ERI3: variants seen among roughly 807,000 people sequenced by gnomAD.
ERI3 encodes the protein ERI1 exoribonuclease family member 3, also known as ERI1 exoribonuclease 3.
A neutral mutation model predicts 44.4 loss-of-function variants in ERI3; 18 were observed. The ratio of observed to expected loss-of-function variants is 0.41; its 90% confidence interval spans 0.28 to 0.60. The LOEUF (loss-of-function observed/expected upper bound fraction) is 0.60. Ranked by LOEUF, ERI3 falls within the 20% of genes least tolerant of loss-of-function variation. The pLI is 0.36. For missense variants in ERI3, 294 were observed against 435.5 expected, an observed-to-expected ratio of 0.68 and a Z score of 2.89; for synonymous variants, 183 against 164.8, an observed-to-expected ratio of 1.11 and a Z score of -0.84.
intron 7 of ERI3, among the ~76,000 whole-genome samples, chr1:44,283,437 TG>T (rs751354632): frequency 9.2e-5 from 14 of 152,230 alleles, no homozygotes; most frequent in Non-Finnish European, 2.1e-4. Context: ...GACTGACTGC[TG>T]GGCTTCTCAG....
chr1:44,316,561 T>G (rs1316399713), intron 4 of ERI3, among the ~76,000 whole-genome samples: 1 of 152,194 alleles, frequency 6.6e-6, no homozygotes, highest in Admixed American at 6.5e-5. Flanking sequence ...CAGTGCTTTC[T>G]CCTTTCACAG....
intron 3 of ERI3, chr1:44,323,029 C>A: frequency 9.9e-7 from 1 of 1,009,120 alleles, no homozygotes; most frequent in Non-Finnish European, 1.3e-6. Context: ...CTGACCTTTT[C>A]TCTCAGCCAA....
At chr1:44,331,664 CA>C (rs766617699) in intron 3 of ERI3, among the ~76,000 whole-genome samples, 5 of 152,198 alleles carry the variant, frequency 3.3e-5, no homozygotes, top group Non-Finnish European at 7.3e-5. Flanking sequence ...TTGCCAGGTT[CA>C]AAGTCTTTAT....
At chr1:44,320,588 G>A (rs968504535) in intron 3 of ERI3, among the ~76,000 whole-genome samples, 8 of 152,134 alleles carry the variant, frequency 5.3e-5, no homozygotes, top group South Asian at 2.1e-4. Flanking sequence ...GAGCACGTGC[G>A]TACCAGAGAG....
chr1:44,354,436 T>A (rs1646955977), intron 1 of ERI3: 4 of 985,290 alleles, frequency 4.1e-6, no homozygotes, highest in African/African-American at 1.7e-5. Context: ...ATGCTTTTTT[T>A]AAGAAAACAC....
chr1:44,338,676 G>A (rs1183507742), intron 3 of ERI3, among the ~76,000 whole-genome samples: 1 of 152,210 alleles, frequency 6.6e-6, no homozygotes, highest in African/African-American at 2.4e-5. Context: ...GTGAATAGCA[G>A]GAGTTAAGAA....
chr1:44,283,050 G>T (rs1450448080), intron 7 of ERI3, among the ~76,000 whole-genome samples: 1 of 152,202 alleles, frequency 6.6e-6, no homozygotes, highest in Non-Finnish European at 1.5e-5. Flanking sequence ...AACTTCACAG[G>T]GTAATTGTTC....
At chr1:44,226,919 ACTT>A (rs1431937025) in intron 8 of ERI3, among the ~76,000 whole-genome samples, 2 of 151,822 alleles carry the variant, frequency 1.3e-5, no homozygotes, top group African/African-American at 4.8e-5. Flanking sequence ...AAAAACTCTA[ACTT>A]TTTTCCCCCT....
intron 3 of ERI3, among the ~76,000 whole-genome samples, chr1:44,322,402 G>A (rs1646222409): frequency 6.6e-6 from 1 of 151,976 alleles, no homozygotes; most frequent in South Asian, 2.1e-4. Context: ...AAAAAAGGAG[G>A]GGGGTAGGCC....
At chr1:44,307,095 T>C (rs1357280019) in intron 6 of ERI3, among the ~76,000 whole-genome samples, 1 of 152,160 alleles carries the variant, frequency 6.6e-6, no homozygotes, top group Non-Finnish European at 1.5e-5. Flanking sequence ...TGTGGGAATA[T>C]GGAGACCCTC....
intron 7 of ERI3, among the ~76,000 whole-genome samples, chr1:44,258,038 T>C (rs1033945586): frequency 7.9e-5 from 12 of 152,296 alleles, no homozygotes; most frequent in Admixed American, 3.3e-4. Context: ...CCCCCCTTCC[T>C]GATACTGAGC....
chr1:44,336,764 G>A (rs754204630), intron 3 of ERI3, among the ~76,000 whole-genome samples: 8 of 152,114 alleles, frequency 5.3e-5, no homozygotes, highest in Non-Finnish European at 7.4e-5. Flanking sequence ...GCTTCTTCCC[G>A]AGTTCTCTAA....
At chr1:44,289,332 A>C (rs1244490774) in intron 6 of ERI3, among the ~76,000 whole-genome samples, 1 of 152,172 alleles carries the variant, frequency 6.6e-6, no homozygotes, top group Non-Finnish European at 1.5e-5. Context: ...TAAGGCCAGA[A>C]AGGGGGTCCG....
chr1:44,273,994 G>A (rs1036939924), intron 7 of ERI3, among the ~76,000 whole-genome samples: 7 of 152,180 alleles, frequency 4.6e-5, no homozygotes, highest in African/African-American at 1.7e-4. Context: ...GAGAAAAGAT[G>A]GAGCAGAGCC....
At chr1:44,299,846 C>T (rs1412820601) in intron 6 of ERI3, among the ~76,000 whole-genome samples, 4 of 152,114 alleles carry the variant, frequency 2.6e-5, no homozygotes, top group Non-Finnish European at 5.9e-5. Context: ...CCAGCTGGTT[C>T]TGAGGCCCTC....
chr1:44,311,748 T>C (rs1244285374), intron 5 of ERI3, among the ~76,000 whole-genome samples: 1 of 152,080 alleles, frequency 6.6e-6, no homozygotes, highest in Non-Finnish European at 1.5e-5. Context: ...AGGAAAAAGG[T>C]GCCTGTCTTC....
intron 6 of ERI3, among the ~76,000 whole-genome samples, chr1:44,302,870 C>T (rs1279343613): frequency 6.6e-6 from 1 of 152,240 alleles, no homozygotes; most frequent in African/African-American, 2.4e-5. Flanking sequence ...CAAATCCCTG[C>T]CCTGCCACAA....
Position 44,355,072 on chromosome 1 carries a change from T to C in ERI3, c.-46A>G. The stretch of plus-strand genomic sequence containing the variant: ...GCCAGCGCGGCAGGCTCCCTCCAGG[T>C]GCAGGCCCCGACGTCTCCCTCGGCC... On this transcript the variant is annotated 5_prime_UTR_variant, in exon 1 of 9. Coordinates refer to ENST00000372257, the MANE Select transcript of ERI3 (RefSeq NM_024066.3). The C allele has an allele frequency of 7.6e-7, 1 of 1,311,936 alleles. No homozygotes were observed. The highest frequency in any genetic ancestry group is 9.8e-7 in the Non-Finnish European group (1 of 1,025,620). 81.3% of individuals were successfully genotyped at this position (1,311,936 alleles called of 1,614,324 possible). A position where few individuals can be genotyped will look rare whatever the true frequency, so the allele number is the denominator to read the frequency against.
At chr1:44,289,771 C>G (rs770954550) in intron 6 of ERI3, among the ~76,000 whole-genome samples, 14 of 152,254 alleles carry the variant, frequency 9.2e-5, no homozygotes, top group Non-Finnish European at 1.8e-4. Context: ...GAACACCCCC[C>G]TCGCTAATGG....
Sources: allele counts gnomAD v4.1 joint callset (sites outside exome capture counted in the v4.1 genomes callset), GRCh38; gene constraint gnomAD v4.1.1; transcripts MANE v1.5; gene names NCBI Gene and HGNC (gene_info 2026-07-23, HGNC 2026-07-21).